Variants in THSD4 observed in about 807,000 individuals in gnomAD.
THSD4 encodes thrombospondin type 1 domain containing 4.
In THSD4, 69 loss-of-function variants were observed where a neutral mutation model predicts 119.0. That is an observed-to-expected ratio of 0.58 (90% CI 0.48 to 0.71). The LOEUF (loss-of-function observed/expected upper bound fraction) is 0.71, where lower values mean the gene tolerates loss of function less well. Ranked by LOEUF, THSD4 falls within the 30% of genes least tolerant of loss-of-function variation. The probability of loss-of-function intolerance (pLI) is 0.00; values close to 1 mark genes in which losing one functional copy is unlikely to be tolerated. For synonymous variants in THSD4, 524 were observed against 540.4 expected, an observed-to-expected ratio of 0.97 and a Z score of 0.42; for missense variants, 1,393 against 1,391.1, an observed-to-expected ratio of 1.00 and a Z score of -0.02.
At chr15:71,128,386 G>A (rs2141359080) in intron 1 of THSD4, among the ~76,000 whole-genome samples, 1 of 152,150 alleles carries the variant, frequency 6.6e-6, no homozygotes, top group South Asian at 2.1e-4. Context: ...AATCAGCTGG[G>A]CATAGTGGCA....
At chr15:71,571,872 T>C (rs2049365611) in intron 7 of THSD4, among the ~76,000 whole-genome samples, 1 of 152,220 alleles carries the variant, frequency 6.6e-6, no homozygotes, top group African/African-American at 2.4e-5. Flanking sequence ...AAACAGCTTA[T>C]CTTATTAGCT....
Position 71,561,932 on chromosome 15 carries a change from A to ACTCT in THSD4, c.1153-98591_1153-98588dup, listed in dbSNP as rs139542150. Among the ~76,000 whole-genome samples the ACTCT allele has an allele frequency of 9.8e-4, 146 of 148,432 alleles. 7 individuals carry two copies. The highest frequency in any genetic ancestry group is 2.9e-3 in the Admixed American group (43 of 15,004). On this transcript the variant is annotated intron_variant, in intron 7 of 17. Coordinates refer to ENST00000261862, the MANE Select transcript of THSD4 (RefSeq NM_024817.3). Reference sequence around the variant, plus strand: ...CACACACACACACAAACACTCACTCACTCTCTCTCTTCTCTAGAGCCAGAA... The same window carrying ACTCT: ...CACACACACACACAAACACTCACTCACTCTCTCTCTCTCTTCTCTAGAGCCAGAA...
At chr15:71,149,565 C>T (rs1203398298) in intron 2 of THSD4, among the ~76,000 whole-genome samples, 2 of 152,070 alleles carry the variant, frequency 1.3e-5, no homozygotes, top group African/African-American at 4.8e-5. Context: ...CATTTGTTAT[C>T]TCCAGAGTGC....
chr15:71,316,356 A>G (rs1473369120), intron 6 of THSD4, among the ~76,000 whole-genome samples: 1 of 152,136 alleles, frequency 6.6e-6, no homozygotes, highest in Admixed American at 6.5e-5. Context: ...CCCTGCTCCA[A>G]CCAAGGGGTT....
chr15:71,265,986 T>C (rs1873803021), intron 6 of THSD4, among the ~76,000 whole-genome samples: 1 of 152,074 alleles, frequency 6.6e-6, no homozygotes. Flanking sequence ...AATCCCCATC[T>C]CCCTGGGACA....
At chr15:71,272,041 A>T (rs978499620) in intron 6 of THSD4, among the ~76,000 whole-genome samples, 6 of 152,208 alleles carry the variant, frequency 3.9e-5, no homozygotes, top group African/African-American at 1.4e-4. Context: ...CATACGTCAG[A>T]TCAGGGGCTC....
chr15:71,777,316 G>A lies in THSD4; in HGVS notation c.2999G>A (p.Cys1000Tyr). Residue 1000 changes from cysteine (C) to tyrosine (Y), a missense_variant, in exon 18 of 18, where the codon TGC (cysteine) becomes TAC (tyrosine). Coordinates refer to ENST00000261862, the MANE Select transcript of THSD4 (RefSeq NM_024817.3). ...LCVYNYYKTA[C>Y]CASCTRVANR... ...GTCTACAACTACTACAAGACCGCCT[G>A]CTGTGCCTCCTGCACCCGTGTGGCC... is the stretch of plus-strand genomic sequence containing the variant. 6.2e-7 allele frequency: 1 copy of A among 1,614,240 alleles called. No homozygotes were observed. The highest frequency in any genetic ancestry group is 8.5e-7 in the Non-Finnish European group (1 of 1,180,048).
chr15:71,511,452 GT>G (rs1235026897), intron 7 of THSD4, among the ~76,000 whole-genome samples: 1 of 152,124 alleles, frequency 6.6e-6, no homozygotes, highest in East Asian at 1.9e-4. Context: ...GATTTTTGTT[GT>G]TGTTTTTCCT....
intron 3 of THSD4, among the ~76,000 whole-genome samples, chr15:71,207,948 A>G (rs1258208451): frequency 2.0e-5 from 3 of 152,200 alleles, no homozygotes; most frequent in African/African-American, 7.2e-5. Flanking sequence ...AGCGATAAGG[A>G]ATTTACAATA....
chr15:71,436,574 G>T (rs2047015505), intron 7 of THSD4, among the ~76,000 whole-genome samples: 1 of 152,124 alleles, frequency 6.6e-6, no homozygotes, highest in Admixed American at 6.5e-5. Flanking sequence ...AGAGCAGAGT[G>T]GTTTCGGTTA....
chr15:71,685,683 G>A (rs2051893327), intron 8 of THSD4, among the ~76,000 whole-genome samples: 1 of 152,124 alleles, frequency 6.6e-6, no homozygotes, highest in Non-Finnish European at 1.5e-5. Context: ...TAGAGAGGTA[G>A]TTTAGTGGTC....
intron 4 of THSD4, among the ~76,000 whole-genome samples, chr15:71,241,109 CTT>C (rs2044149284): frequency 2.0e-5 from 3 of 152,088 alleles, no homozygotes; most frequent in Non-Finnish European, 4.4e-5. Flanking sequence ...AATGTTTCAC[CTT>C]GATTGCTATT....
chr15:71,612,936 T>C (rs2050255813), intron 7 of THSD4, among the ~76,000 whole-genome samples: 1 of 152,210 alleles, frequency 6.6e-6, no homozygotes, highest in Non-Finnish European at 1.5e-5. Flanking sequence ...TAATTCTATC[T>C]TGAGTGTTAT....
At chr15:71,614,369 C>T (rs2140916142) in intron 7 of THSD4, among the ~76,000 whole-genome samples, 1 of 152,314 alleles carries the variant, frequency 6.6e-6, no homozygotes, top group East Asian at 1.9e-4. Flanking sequence ...TCAGAGCCTT[C>T]TGGAGAATTC....
intron 7 of THSD4, among the ~76,000 whole-genome samples, chr15:71,600,381 C>CTTA (rs2049983933): frequency 6.6e-6 from 1 of 152,188 alleles, no homozygotes; most frequent in African/African-American, 2.4e-5. Flanking sequence ...GAATTCTTGT[C>CTTA]ATTGTCTTCT....
chr15:71,704,524 C>A (rs992236703), intron 8 of THSD4, among the ~76,000 whole-genome samples: 1 of 152,232 alleles, frequency 6.6e-6, no homozygotes, highest in African/African-American at 2.4e-5. Context: ...GATGGTGACA[C>A]CTCCCCAGCC....
At chr15:71,696,178 A>G (rs2052161405) in intron 8 of THSD4, among the ~76,000 whole-genome samples, 1 of 152,342 alleles carries the variant, frequency 6.6e-6, no homozygotes, top group African/African-American at 2.4e-5. Flanking sequence ...AAAGAGGTTT[A>G]TTTAGCTCAT....
intron 6 of THSD4, among the ~76,000 whole-genome samples, chr15:71,362,663 T>C (rs1231700860): frequency 6.6e-6 from 1 of 152,154 alleles, no homozygotes; most frequent in Non-Finnish European, 1.5e-5. Flanking sequence ...AAAGAAAAAT[T>C]GCAATAAATA....
intron 1 of THSD4, among the ~76,000 whole-genome samples, chr15:71,129,517 T>A (rs545872677): frequency 8.9e-4 from 136 of 152,102 alleles, no homozygotes; most frequent in African/African-American, 3.2e-3. Flanking sequence ...CTAAATGCCC[T>A]TTATTGTCCT....
Sources: allele counts gnomAD v4.1 joint callset (sites outside exome capture counted in the v4.1 genomes callset), GRCh38; gene constraint gnomAD v4.1.1; transcripts MANE v1.5; gene names NCBI Gene and HGNC (gene_info 2026-07-23, HGNC 2026-07-21).